The following EDA variants were observed in gnomAD, a reference collection of about 807,000 sequenced individuals.
The protein encoded by EDA is ectodysplasin A.
EDA carries 2 observed loss-of-function variants against 23.6 expected under a neutral mutation model. The observed-to-expected ratio is 0.08, with a 90% CI of 0.03 to 0.27. The LOEUF (loss-of-function observed/expected upper bound fraction) is 0.27, where lower values mean the gene tolerates loss of function less well. EDA is among the 10% of genes least tolerant of loss of function. The pLI is 1.00. For synonymous variants in EDA, 131 were observed against 132.0 expected (o/e 0.99, Z 0.05); for missense variants, 229 against 324.2 (o/e 0.71, Z 2.26).
At chrX:69,805,590 G>A (rs555588760) in intron 1 of EDA, among the ~76,000 whole-genome samples, 5 of 111,472 alleles carry the variant, frequency 4.5e-5, no homozygotes, top group African/African-American at 1.6e-4. Flanking sequence ...CCAGGTAGGA[G>A]CTTCCATGTT....
intron 1 of EDA, among the ~76,000 whole-genome samples, chrX:69,838,089 C>A (rs1384356704): frequency 8.9e-6 from 1 of 112,248 alleles, no homozygotes; most frequent in African/African-American, 3.2e-5. Flanking sequence ...CCATGCTGAA[C>A]GTGAGTCTAC....
Position 69,685,000 on chromosome X carries a change from C to T in EDA, c.396+68296C>T, listed in dbSNP as rs1406379574. Among the ~76,000 whole-genome samples, 5 of 112,012 alleles carry T rather than the reference C, an allele frequency of 4.5e-5. No homozygotes were observed. The South Asian group carries it at 1.5e-3, about 33-fold the overall frequency. ...GAAGACTTTAGTTTTGAAGGTTTTC[C>T]ATTTTAAATGTCTTTGTTTTGTTTT... On this transcript the variant is annotated intron_variant, in intron 1 of 7. Coordinates refer to ENST00000374552, the MANE Select transcript of EDA (RefSeq NM_001399.5).
intron 1 of EDA, among the ~76,000 whole-genome samples, chrX:69,618,584 A>G (rs1221773822): frequency 9.0e-6 from 1 of 111,720 alleles, no homozygotes; most frequent in Non-Finnish European, 1.9e-5. Flanking sequence ...CCAAGGTCAC[A>G]TAACTAGAGT....
At chrX:69,681,742 T>G (rs1245965725) in intron 1 of EDA, among the ~76,000 whole-genome samples, 2 of 110,779 alleles carry the variant, frequency 1.8e-5, no homozygotes, top group African/African-American at 3.3e-5. Context: ...TTTCAAAGTT[T>G]TCAACTTCTT....
chrX:69,721,778 A>T (rs780562951), intron 1 of EDA, among the ~76,000 whole-genome samples: 1 of 111,196 alleles, frequency 9.0e-6, no homozygotes, highest in East Asian at 2.9e-4. Flanking sequence ...AAACCAACTC[A>T]TCTTCTTGTT....
intron 1 of EDA, among the ~76,000 whole-genome samples, chrX:69,619,646 A>G (rs994719240): frequency 7.1e-5 from 8 of 112,010 alleles, no homozygotes; most frequent in African/African-American, 2.6e-4. Context: ...TGGAGCAACC[A>G]AGTAGCTGAG....
In EDA at chrX:69,998,488, A is replaced by G. The variant is rs1602595471; in HGVS notation, c.503-24730A>G. On this transcript the variant is annotated intron_variant, in intron 2 of 7. Transcript: ENST00000374552. ...GCAGAAGGGACTTGCCTTGTCTCAG[A>G]TGAGACTTTGGACTGTTGACTTTTG... Among the ~76,000 whole-genome samples the G allele has an allele frequency of 5.3e-5, 6 of 112,293 alleles. 1 individual carries two copies. The Admixed American group carries it at 5.6e-4, about 11-fold the overall frequency.
At chrX:69,959,732 G>A (rs969367856) in intron 2 of EDA, among the ~76,000 whole-genome samples, 1 of 111,205 alleles carries the variant, frequency 9.0e-6, no homozygotes, top group Non-Finnish European at 1.9e-5. Context: ...GTGGTATGAA[G>A]AAAAATATAG....
intron 1 of EDA, among the ~76,000 whole-genome samples, chrX:69,777,238 A>G (rs1463342394): frequency 1.8e-5 from 2 of 109,849 alleles, no homozygotes; most frequent in South Asian, 3.9e-4. Context: ...TTGTGGTTCT[A>G]TAGAGATCTC....
intron 2 of EDA, among the ~76,000 whole-genome samples, chrX:69,975,745 G>A (rs894355938): frequency 1.8e-5 from 2 of 111,977 alleles, no homozygotes; most frequent in Middle Eastern, 9.3e-3. Flanking sequence ...TACCAAAAAA[G>A]CAATGTAAAA....
intron 1 of EDA, among the ~76,000 whole-genome samples, chrX:69,666,983 T>C (rs1249664078): frequency 9.0e-6 from 1 of 111,525 alleles, no homozygotes; most frequent in Non-Finnish European, 1.9e-5. Flanking sequence ...TATTAGTCTG[T>C]TCAAGCTTTC....
intron 1 of EDA, among the ~76,000 whole-genome samples, chrX:69,684,624 A>G (rs911713900): frequency 8.9e-6 from 1 of 111,863 alleles, no homozygotes; most frequent in African/African-American, 3.2e-5. Context: ...TTCAATATAT[A>G]CCTTTCTGTT....
In EDA at chrX:69,855,955, C is replaced by T. The variant is rs1217209598; in HGVS notation, c.397-101072C>T. Among the ~76,000 whole-genome samples, 8 of 109,974 alleles carry T rather than the reference C, an allele frequency of 7.3e-5. No individual in the cohort carries two copies. The East Asian group carries it at 1.7e-3, about 24-fold the overall frequency. On this transcript the variant is annotated intron_variant, in intron 1 of 7. Transcript: ENST00000374552. Reference sequence around the variant, plus strand: ...GTGATGTTTGGTTACGTGGATAAGTCCTTTAGTGATGATTTCTGAGATTTT... The same window carrying T: ...GTGATGTTTGGTTACGTGGATAAGTTCTTTAGTGATGATTTCTGAGATTTT...
chrX:69,682,132 C>T (rs1166111760), intron 1 of EDA, among the ~76,000 whole-genome samples: 4 of 112,176 alleles, frequency 3.6e-5, no homozygotes, highest in Non-Finnish European at 7.5e-5. Context: ...TTAGGCTGCT[C>T]AGGGGTCAGG....
chrX:69,936,408 G>T (rs1249474162), intron 1 of EDA, among the ~76,000 whole-genome samples: 2 of 111,417 alleles, frequency 1.8e-5, no homozygotes, highest in African/African-American at 6.5e-5. Flanking sequence ...TTCAGTCACA[G>T]AGCAGCCTAC....
intron 2 of EDA, chrX:70,022,910 T>G (rs1254894752): frequency 1.1e-5 from 2 of 176,013 alleles, no homozygotes; most frequent in Non-Finnish European, 2.2e-5. Flanking sequence ...TGTCCTAAGG[T>G]TGTTGAGTTG....
At chrX:69,799,171 A>G in intron 1 of EDA, among the ~76,000 whole-genome samples, 1 of 111,776 alleles carries the variant, frequency 8.9e-6, no homozygotes, top group South Asian at 3.7e-4. Context: ...CCAATCTCTC[A>G]TCATACACAA....
chrX:69,889,478 T>G (rs2017890735), intron 1 of EDA, among the ~76,000 whole-genome samples: 2 of 111,323 alleles, frequency 1.8e-5, no homozygotes, highest in Admixed American at 1.9e-4. Flanking sequence ...ACAATAGTCT[T>G]CCAATTGGTG....
chrX:69,826,989 A>T (rs187911811), intron 1 of EDA, among the ~76,000 whole-genome samples: 4 of 112,373 alleles, frequency 3.6e-5, no homozygotes, highest in African/African-American at 1.3e-4. Context: ...GAAATTCTGC[A>T]TTGAAAATTC....
Sources: gnomAD v4.1 joint callset for allele counts (sites outside exome capture counted in the v4.1 genomes callset) on GRCh38, gnomAD v4.1.1 for gene constraint, MANE v1.5 for transcripts, NCBI Gene and HGNC (gene_info 2026-07-23, HGNC 2026-07-21) for gene names.